Variants in PCDHGA3 observed in about 807,000 individuals in gnomAD.
PCDHGA3 encodes the protein protocadherin gamma-A3.
A neutral mutation model predicts 58.5 loss-of-function variants in PCDHGA3; 40 were observed. The observed-to-expected ratio is 0.68, with a 90% CI of 0.53 to 0.89. The LOEUF (loss-of-function observed/expected upper bound fraction) is 0.89, where lower values mean the gene tolerates loss of function less well. PCDHGA3 is among the 40% of genes least tolerant of loss of function. The pLI is 0.00. For synonymous variants in PCDHGA3, 530 were observed against 525.7 expected (o/e 1.01, Z -0.11); for missense variants, 1,223 against 1,195.9 (o/e 1.02, Z -0.33).
At chr5:141,450,587 A>G (rs1396203849) in intron 1 of PCDHGA3, among the ~76,000 whole-genome samples, 1 of 151,720 alleles carries the variant, frequency 6.6e-6, no homozygotes, top group East Asian at 1.9e-4. Flanking sequence ...CCCAGGTTCA[A>G]GCAATTCTCC....
chr5:141,510,814 C>CA, intron 3 of PCDHGA3, 133 bp from the exon 4 acceptor site: 1 of 1,544,688 alleles, frequency 6.5e-7, no homozygotes, highest in Admixed American at 1.8e-5. Flanking sequence ...TTGGTGACCC[C>CA]TATATTCCCA....
chr5:141,445,224 G>A (rs1016307216), intron 1 of PCDHGA3, among the ~76,000 whole-genome samples: 6 of 152,194 alleles, frequency 3.9e-5, no homozygotes, highest in Admixed American at 2.0e-4. Context: ...GAGGTGCAAA[G>A]TGCTCTATTC....
At position 141,418,250 on chromosome 5, in the gene PCDHGA3, C is replaced by T. The variant is rs375149538; in HGVS notation, c.2424+71793C>T. ...GATTGAGGATGTTAATGACCACGCC[C>T]CTCAATTCCGGAAAGATGAAATAAA... On this transcript the variant is annotated intron_variant, in intron 1 of 3. Transcript: ENST00000253812. The T allele has an allele frequency of 2.5e-5, 40 of 1,613,876 alleles. No individual in the cohort carries two copies. The African/African-American group carries it at 3.6e-4, about 15-fold the overall frequency.
At chr5:141,428,154 T>G (rs760002801) in intron 1 of PCDHGA3, 29 of 1,578,806 alleles carry the variant, frequency 1.8e-5, no homozygotes, top group African/African-American at 1.3e-5. Flanking sequence ...CACGGGAACC[T>G]GCTGGTTGCT....
chr5:141,497,736 G>A (rs1437670417), intron 2 of PCDHGA3, among the ~76,000 whole-genome samples: 6 of 151,962 alleles, frequency 3.9e-5, no homozygotes, highest in Admixed American at 1.3e-4. Flanking sequence ...GATGGGTTTC[G>A]CCACGTTGGC....
intron 1 of PCDHGA3, chr5:141,371,931 G>T: frequency 6.2e-7 from 1 of 1,613,372 alleles, no homozygotes; most frequent in Non-Finnish European, 8.5e-7. Flanking sequence ...GCGGAGCGGG[G>T]TGGTGTTCGC....
rs769760594 is a variant in PCDHGA3, at chr5:141,389,212, TA to T, written c.2424+42758del. ...AGCATCACCCTGCACATTGGTGATG[TA>T]AATGACAACGCTCCGGTTTTCTCAC... On this transcript the variant is annotated intron_variant, in intron 1 of 3. Coordinates refer to ENST00000253812, the MANE Select transcript of PCDHGA3 (RefSeq NM_018916.4). 96 of 1,614,016 alleles carry T rather than the reference TA, an allele frequency of 5.9e-5. No homozygotes were observed. The East Asian group carries it at 2.0e-3, about 33-fold the overall frequency.
At chr5:141,359,613 G>A (rs960150614) in intron 1 of PCDHGA3, among the ~76,000 whole-genome samples, 5 of 151,718 alleles carry the variant, frequency 3.3e-5, no homozygotes, top group Non-Finnish European at 5.9e-5. Flanking sequence ...GCAGAATATG[G>A]TATGTTGTAT....
chr5:141,419,140 G>C, intron 1 of PCDHGA3: 1 of 1,613,868 alleles, frequency 6.2e-7, no homozygotes, highest in Non-Finnish European at 8.5e-7. Flanking sequence ...CCACAGACAG[G>C]GGCAAGCCTC....
chr5:141,390,446 G>A, intron 1 of PCDHGA3: 1 of 862,526 alleles, frequency 1.2e-6, no homozygotes, highest in Non-Finnish European at 1.7e-6. Context: ...CTACAAAGGA[G>A]GAGTAAAGTA....
chr5:141,348,603 ACC>A (rs2149749641), intron 1 of PCDHGA3, among the ~76,000 whole-genome samples: 1 of 152,326 alleles, frequency 6.6e-6, no homozygotes, highest in Non-Finnish European at 1.5e-5. Flanking sequence ...AGAGTATGGA[ACC>A]CATACAATTC....
At position 141,354,063 on chromosome 5, in the gene PCDHGA3, C is replaced by T. The variant is rs542635599; in HGVS notation, c.2424+7606C>T. On this transcript the variant is annotated intron_variant, in intron 1 of 3. Transcript: ENST00000253812. The stretch of plus-strand genomic sequence containing the variant: ...GGCACATGCAATGATAATCCATGTT[C>T]GGCTACCAAAACATTTCCTTTTACT... Among the ~76,000 whole-genome samples the T allele has an allele frequency of 3.2e-4, 49 of 152,240 alleles. 1 individual carries two copies. In the South Asian group the frequency reaches 6.6e-3, roughly 21 times the overall value.
intron 1 of PCDHGA3, among the ~76,000 whole-genome samples, chr5:141,458,298 A>G (rs2098942125): frequency 6.6e-6 from 1 of 152,178 alleles, no homozygotes; most frequent in African/African-American, 2.4e-5. Context: ...ATGCTGGTTT[A>G]GATAAAATGA....
chr5:141,501,299 AC>A (rs1446641380), intron 2 of PCDHGA3, among the ~76,000 whole-genome samples: 1 of 149,208 alleles, frequency 6.7e-6, no homozygotes, highest in African/African-American at 2.5e-5. Flanking sequence ...ATACACACAC[AC>A]ACACACACAC....
At chr5:141,393,192 A>G in intron 1 of PCDHGA3, 2 of 1,613,468 alleles carry the variant, frequency 1.2e-6, no homozygotes, top group Non-Finnish European at 1.7e-6. Flanking sequence ...AATTGATATT[A>G]ACGATAATAA....
At chr5:141,473,229 T>G (rs891825934) in intron 1 of PCDHGA3, among the ~76,000 whole-genome samples, 8 of 152,160 alleles carry the variant, frequency 5.3e-5, no homozygotes, top group Admixed American at 1.3e-4. Context: ...GGAGATTGGA[T>G]CCACACAAGT....
chr5:141,345,530 G>C lies in PCDHGA3; in HGVS notation c.1497G>C (p.Ala499=), dbSNP rs1757590501. Residue 499 remains alanine, a synonymous_variant, in exon 1 of 4, where the codon GCG becomes GCC. Transcript: ENST00000253812. ...TGACCGAGGACACTCTCCAGGGGGC[G>C]CCCCTGTCCTCCTTCGTCTCTATCA... ...YALTEDTLQG[A]PLSSFVSINS... is the part of the protein sequence containing the mutation. The C allele has an allele frequency of 1.2e-6, 2 of 1,613,972 alleles. No individual in the cohort carries two copies. Among genetic ancestry groups the C allele is most frequent in the Non-Finnish European group, 1.7e-6 (2 of 1,180,008 alleles).
chr5:141,441,836 C>T (rs1026890754), intron 1 of PCDHGA3: 2 of 354,006 alleles, frequency 5.6e-6, no homozygotes, highest in Non-Finnish European at 1.1e-5. Flanking sequence ...AATGGCTTCG[C>T]GCTCTTGGAT....
In PCDHGA3 at chr5:141,477,556, T is replaced by C. The variant is rs2099412953; in HGVS notation, c.2425-17251T>C. On this transcript the variant is annotated intron_variant, in intron 1 of 3. Transcript: ENST00000253812. The surrounding 1 kb of genome is among the most constrained non-coding windows in gnomAD (Gnocchi z 4.9). The stretch of plus-strand genomic sequence containing the variant: ...CCGGGGCTCCAATACTAAACCTAAG[T>C]GTCTGGGACCCCGACGCCCCGCAGA... 6.2e-7 allele frequency: 1 copy of C among 1,614,164 alleles called. No homozygotes were observed. The highest frequency in any genetic ancestry group is 1.1e-5 in the South Asian group (1 of 91,086).
Sources: gnomAD v4.1 joint callset for allele counts (sites outside exome capture counted in the v4.1 genomes callset) on GRCh38, gnomAD v4.1.1 for gene constraint, Gnocchi (gnomAD v3.1) non-coding constraint, MANE v1.5 for transcripts, NCBI Gene and HGNC (gene_info 2026-07-23, HGNC 2026-07-21) for gene names.